STXBP5L: variants seen among roughly 807,000 people sequenced by gnomAD.
STXBP5L encodes syntaxin-binding protein 5-like.
A neutral mutation model predicts 144.5 loss-of-function variants in STXBP5L; 65 were observed. The ratio of observed to expected loss-of-function variants is 0.45; its 90% CI spans 0.37 to 0.55. STXBP5L has a LOEUF of 0.55. Among genes scored for constraint, STXBP5L ranks in the 20% least tolerant of loss-of-function variants. The pLI is 0.00. For missense variants in STXBP5L, 1,298 were observed against 1,405.5 expected (o/e 0.92, Z 1.22); for synonymous variants, 505 against 469.6 (o/e 1.08, Z -0.97).
intron 5 of STXBP5L, among the ~76,000 whole-genome samples, chr3:121,064,344 G>A (rs1429654834): frequency 6.6e-6 from 1 of 152,226 alleles, no homozygotes; most frequent in Non-Finnish European, 1.5e-5. Flanking sequence ...GAGTACCTCA[G>A]TTCAAAATGC....
At chr3:121,044,463 G>A (rs941198341) in intron 4 of STXBP5L, among the ~76,000 whole-genome samples, 1 of 152,128 alleles carries the variant, frequency 6.6e-6, no homozygotes, top group Non-Finnish European at 1.5e-5. Flanking sequence ...ATCTGTGATT[G>A]ATACTGTAAA....
chr3:121,374,555 G>T (rs1250561741), intron 20 of STXBP5L, among the ~76,000 whole-genome samples: 6 of 151,882 alleles, frequency 4.0e-5, no homozygotes, highest in African/African-American at 1.2e-4. Flanking sequence ...TAAATACAAA[G>T]AAATAAGAAA....
At chr3:120,963,656 C>G (rs940779883) in intron 3 of STXBP5L, among the ~76,000 whole-genome samples, 9 of 152,014 alleles carry the variant, frequency 5.9e-5, no homozygotes, top group Non-Finnish European at 1.5e-5. Flanking sequence ...TTTTGATGTG[C>G]TGCTGGATTT....
At chr3:121,322,855 C>T (rs548980457) in intron 20 of STXBP5L, among the ~76,000 whole-genome samples, 1 of 152,296 alleles carries the variant, frequency 6.6e-6, no homozygotes, top group African/African-American at 2.4e-5. Context: ...TCACCAGCAT[C>T]TGTTGTTTGT....
chr3:121,374,865 CAAAT>C (rs573894809), intron 20 of STXBP5L, among the ~76,000 whole-genome samples: 378 of 151,810 alleles, frequency 2.5e-3, no homozygotes, highest in Non-Finnish European at 4.2e-3. Context: ...AACAAGCAAA[CAAAT>C]AATCAAATTT....
intron 5 of STXBP5L, among the ~76,000 whole-genome samples, chr3:121,111,469 T>C (rs915668272): frequency 6.6e-6 from 1 of 152,212 alleles, no homozygotes; most frequent in Admixed American, 6.5e-5. Context: ...TTGTTATTCT[T>C]TTAACGGTCA....
chr3:121,188,957 A>G (rs2047516580), intron 9 of STXBP5L, among the ~76,000 whole-genome samples: 1 of 152,244 alleles, frequency 6.6e-6, no homozygotes, highest in African/African-American at 2.4e-5. Context: ...AGTTCTGGCC[A>G]GGGCAATCAG....
chr3:121,013,620 T>C (rs1447988846), intron 3 of STXBP5L, among the ~76,000 whole-genome samples: 2 of 151,988 alleles, frequency 1.3e-5, no homozygotes, highest in Non-Finnish European at 2.9e-5. Flanking sequence ...CTGTAGGTCA[T>C]TTGTTTACTC....
chr3:121,031,929 C>G (rs1294450324), intron 3 of STXBP5L, among the ~76,000 whole-genome samples: 1 of 152,054 alleles, frequency 6.6e-6, no homozygotes, highest in Non-Finnish European at 1.5e-5. Flanking sequence ...TTGCCACTCA[C>G]TGAGATAGGA....
At chr3:121,125,969 C>T (rs1377619784) in intron 7 of STXBP5L, among the ~76,000 whole-genome samples, 1 of 152,092 alleles carries the variant, frequency 6.6e-6, no homozygotes, top group Non-Finnish European at 1.5e-5. Flanking sequence ...CTCACATAAA[C>T]TTTTGGAGAT....
At chr3:121,038,976 A>G (rs972804265) in intron 3 of STXBP5L, among the ~76,000 whole-genome samples, 15 of 151,984 alleles carry the variant, frequency 9.9e-5, no homozygotes, top group African/African-American at 2.9e-4. Context: ...CTATTTGTAT[A>G]TATTAACCTA....
chr3:121,254,847 A>G, intron 15 of STXBP5L, 48 bp from the exon 16 acceptor site: 2 of 1,446,842 alleles, frequency 1.4e-6, no homozygotes, highest in East Asian at 4.7e-5. Flanking sequence ...AATAACATCT[A>G]AGAATTAAGT....
At chr3:121,092,966 G>A (rs561945076) in intron 5 of STXBP5L, among the ~76,000 whole-genome samples, 1 of 152,300 alleles carries the variant, frequency 6.6e-6, no homozygotes, top group South Asian at 2.1e-4. Flanking sequence ...AATTTATTGA[G>A]AGTTTTTAGC....
At chr3:121,138,942 AAAC>A (rs1257459058) in intron 7 of STXBP5L, among the ~76,000 whole-genome samples, 1 of 152,046 alleles carries the variant, frequency 6.6e-6, no homozygotes, top group Non-Finnish European at 1.5e-5. Context: ...ATAGCAAAGG[AAAC>A]AACAGAGTGA....
chr3:121,027,831 G>A (rs1437614511), intron 3 of STXBP5L, among the ~76,000 whole-genome samples: 1 of 151,950 alleles, frequency 6.6e-6, no homozygotes, highest in Non-Finnish European at 1.5e-5. Flanking sequence ...CATCTTCAGG[G>A]CTGGTGCATT....
At chr3:121,168,088 G>A (rs761041076) in intron 9 of STXBP5L, among the ~76,000 whole-genome samples, 3 of 152,100 alleles carry the variant, frequency 2.0e-5, no homozygotes, top group African/African-American at 4.8e-5. Context: ...GGAGAAAAAG[G>A]CCCTGACTCT....
At chr3:121,282,697 T>A (rs2108445224) in intron 19 of STXBP5L, among the ~76,000 whole-genome samples, 1 of 152,130 alleles carries the variant, frequency 6.6e-6, no homozygotes, top group Middle Eastern at 3.4e-3. Context: ...AAGTTAATGC[T>A]TTCTTATTTT....
intron 5 of STXBP5L, among the ~76,000 whole-genome samples, chr3:121,087,910 A>G (rs1435604298): frequency 6.6e-6 from 1 of 152,126 alleles, no homozygotes; most frequent in Non-Finnish European, 1.5e-5. Flanking sequence ...GCTACAAATT[A>G]CCAGTTTGAA....
At chr3:120,921,797 G>A (rs1301670345) in intron 2 of STXBP5L, among the ~76,000 whole-genome samples, 3 of 151,976 alleles carry the variant, frequency 2.0e-5, no homozygotes, top group Non-Finnish European at 2.9e-5. Flanking sequence ...TTATATCTGG[G>A]TTTTCTGTTC....
Sources: allele counts gnomAD v4.1 joint callset (sites outside exome capture counted in the v4.1 genomes callset), GRCh38; gene constraint gnomAD v4.1.1; transcripts MANE v1.5; gene names NCBI Gene and HGNC (gene_info 2026-07-23, HGNC 2026-07-21).